PLEKHO2: variants seen among roughly 807,000 people sequenced by gnomAD.
The protein encoded by PLEKHO2 is pleckstrin homology domain containing O2, also known as pleckstrin homology domain-containing family O member 2.
Under a neutral mutation model 32.7 loss-of-function variants are expected in PLEKHO2, and 20 were observed. The observed-to-expected ratio is 0.61, with a 90% confidence interval of 0.43 to 0.89. The LOEUF (loss-of-function observed/expected upper bound fraction) is 0.89. PLEKHO2 is among the 40% of genes least tolerant of loss of function. PLEKHO2 has a pLI of 0.00. For missense variants in PLEKHO2, 568 were observed against 621.2 expected, an observed-to-expected ratio of 0.91 and a Z score of 0.91; for synonymous variants, 247 against 246.3, an observed-to-expected ratio of 1.00 and a Z score of -0.03.
rs746171412 is a variant in PLEKHO2 at position 64,848,571 on chromosome 15, A to G, written c.13-22A>G. 7.4e-6 allele frequency: 12 copies of G among 1,613,814 alleles called. No homozygotes were observed. The African/African-American group carries it at 1.5e-4, about 20-fold the overall frequency. The stretch of plus-strand genomic sequence containing the variant: ...ACCCCATGGTAGCAACCCTCATGGT[A>G]TGAACTGGTGCTGTGTTACAGGGTG... On this transcript the variant is annotated intron_variant, in intron 1 of 5. Coordinates refer to ENST00000323544, the MANE Select transcript of PLEKHO2 (RefSeq NM_025201.5).
chr15:64,865,100 A>G lies in PLEKHO2; in HGVS notation c.685A>G (p.Arg229Gly). Residue 229 changes from arginine (R) to glycine (G), a missense_variant, in exon 6 of 6, where the codon AGA (arginine) becomes GGA (glycine). Coordinates refer to ENST00000323544, the MANE Select transcript of PLEKHO2 (RefSeq NM_025201.5). ...CAGGGTGGAGACCCCTGTGGGGGAG[A>G]GAGCCCCAACCCCTGTCTCAGCAAG... ...GDRVETPVGE[R>G]APTPVSASSE... 6.2e-7 allele frequency: 1 copy of G among 1,614,056 alleles called. No homozygotes were observed. Among genetic ancestry groups the G allele is most frequent in the Non-Finnish European group, 8.5e-7 (1 of 1,179,996 alleles).
intron 5 of PLEKHO2, among the ~76,000 whole-genome samples, chr15:64,864,338 G>T (rs2084666849): frequency 6.6e-6 from 1 of 152,120 alleles, no homozygotes; most frequent in Non-Finnish European, 1.5e-5. Flanking sequence ...AGCTGGACAG[G>T]CAAAAGCTGG....
chr15:64,842,881 A>G (rs972443361), intron 1 of PLEKHO2, among the ~76,000 whole-genome samples: 2 of 152,206 alleles, frequency 1.3e-5, no homozygotes, highest in African/African-American at 4.8e-5. Flanking sequence ...AGCACTTAAT[A>G]TATGCCTGTG....
intron 5 of PLEKHO2, among the ~76,000 whole-genome samples, chr15:64,862,399 T>C (rs2140345409): frequency 6.6e-6 from 1 of 151,840 alleles, no homozygotes; most frequent in African/African-American, 2.4e-5. Context: ...AGTCAGGGGA[T>C]TGGACCAAGG....
chr15:64,847,678 A>G (rs888287159), intron 1 of PLEKHO2, among the ~76,000 whole-genome samples: 2 of 152,176 alleles, frequency 1.3e-5, no homozygotes, highest in Non-Finnish European at 2.9e-5. Context: ...GCTGGCCCCA[A>G]GGCTCCAGGG....
At chr15:64,856,207 A>G (rs747818945) in intron 3 of PLEKHO2, among the ~76,000 whole-genome samples, 5 of 152,152 alleles carry the variant, frequency 3.3e-5, no homozygotes, top group Non-Finnish European at 5.9e-5. Context: ...TGGAGCCCCT[A>G]CCCTGTCCTG....
Position 64,865,709 on chromosome 15 carries a change from G to A in PLEKHO2, c.1294G>A (p.Gly432Ser), listed in dbSNP as rs770649221. The part of the protein sequence containing the change: ...QTEKLLNKVL[G>S]SEPAPVSAET... ...GGAGAAACTGTTGAACAAGGTGCTG[G>A]GCAGTGAGCCGGCCCCTGTTAGTGC... The change falls in exon 6 of 6, where the codon GGC (glycine) becomes AGC (serine). Residue 432 changes from glycine (G) to serine (S), a missense_variant. Coordinates refer to ENST00000323544, the MANE Select transcript of PLEKHO2 (RefSeq NM_025201.5). The A allele has an allele frequency of 1.1e-5, 18 of 1,614,230 alleles. No homozygotes were observed. The South Asian group carries it at 1.8e-4, about 16-fold the overall frequency.
At chr15:64,846,953 G>A (rs1035305364) in intron 1 of PLEKHO2, among the ~76,000 whole-genome samples, 1 of 152,246 alleles carries the variant, frequency 6.6e-6, no homozygotes, top group Non-Finnish European at 1.5e-5. Flanking sequence ...TCTAGGAACT[G>A]AGGGTACAGG....
chr15:64,843,707 A>ATT (rs2084502639), intron 1 of PLEKHO2, among the ~76,000 whole-genome samples: 2 of 151,402 alleles, frequency 1.3e-5, no homozygotes, highest in African/African-American at 4.9e-5. Flanking sequence ...CAGCCTCCTG[A>ATT]ATAGCTGGGA....
In PLEKHO2 at chr15:64,865,081, G is replaced by A. The variant is rs757594278; in HGVS notation, c.666G>A (p.Val222=). The A allele has an allele frequency of 6.2e-7, 1 of 1,614,122 alleles. No individual in the cohort carries two copies. The highest frequency in any genetic ancestry group is 8.5e-7 in the Non-Finnish European group (1 of 1,179,998). The stretch of plus-strand genomic sequence containing the variant: ...AGACCACCAGCCCTGGTGACAGGGT[G>A]GAGACCCCTGTGGGGGAGAGAGCCC... ...APETTSPGDR[V]ETPVGERAPT... Residue 222 remains valine, a synonymous_variant, in exon 6 of 6, where the codon GTG becomes GTA. Coordinates refer to ENST00000323544, the MANE Select transcript of PLEKHO2 (RefSeq NM_025201.5).
At chr15:64,864,773 G>C (rs988411540) in intron 5 of PLEKHO2, 126 bp from the exon 6 acceptor site, 13 of 977,656 alleles carry the variant, frequency 1.3e-5, no homozygotes, top group Non-Finnish European at 2.0e-5. Flanking sequence ...CCAGGACAGA[G>C]GGAGGCTGGG....
intron 3 of PLEKHO2, among the ~76,000 whole-genome samples, chr15:64,856,144 T>C (rs1433794671): frequency 6.6e-6 from 1 of 152,194 alleles, no homozygotes; most frequent in Non-Finnish European, 1.5e-5. Flanking sequence ...TGACATCTGC[T>C]GCTTAGGGCT....
intron 2 of PLEKHO2, among the ~76,000 whole-genome samples, chr15:64,853,397 C>T (rs1326106817): frequency 6.6e-6 from 1 of 151,514 alleles, no homozygotes; most frequent in Non-Finnish European, 1.5e-5. Context: ...CTGCCTCAGC[C>T]TCCCAAGTAG....
chr15:64,865,135 C>T lies in PLEKHO2; in HGVS notation c.720C>T (p.Val240=), dbSNP rs377214505. The T allele has an allele frequency of 1.1e-5, 18 of 1,614,124 alleles. No individual in the cohort carries two copies. In the East Asian group the frequency reaches 1.6e-4, roughly 14 times the overall value. The change falls in exon 6 of 6, where the codon GTC becomes GTT. Residue 240 remains valine (V), a synonymous_variant. Transcript: ENST00000323544. ...APTPVSASSE[V]SPESQEDSET... Reference sequence around the variant, plus strand: ...CCCCTGTCTCAGCAAGCTCTGAGGTCTCCCCTGAGAGCCAAGAGGACTCAG... The same window carrying T: ...CCCCTGTCTCAGCAAGCTCTGAGGTTTCCCCTGAGAGCCAAGAGGACTCAG...
At chr15:64,860,929 C>T (rs556646999) in intron 4 of PLEKHO2, among the ~76,000 whole-genome samples, 1 of 152,224 alleles carries the variant, frequency 6.6e-6, no homozygotes, top group African/African-American at 2.4e-5. Flanking sequence ...CCAGGCTGCT[C>T]CAGGGTTCTG....
At chr15:64,842,386 C>CTG (rs1196066845) in intron 1 of PLEKHO2, among the ~76,000 whole-genome samples, 5 of 83,486 alleles carry the variant, frequency 6.0e-5, no homozygotes, top group Admixed American at 4.1e-4. Context: ...CTCTCTCTCT[C>CTG]TCTCTGTGTG....
At chr15:64,849,165 A>G (rs775468097) in intron 2 of PLEKHO2, among the ~76,000 whole-genome samples, 2 of 150,072 alleles carry the variant, frequency 1.3e-5, no homozygotes, top group East Asian at 3.9e-4. Flanking sequence ...TTTTTGAGAA[A>G]GAGTCTCGCT....
chr15:64,854,873 G>A (rs373329549), intron 2 of PLEKHO2, 48 bp from the exon 3 acceptor site: 4 of 1,436,480 alleles, frequency 2.8e-6, no homozygotes, highest in Non-Finnish European at 3.9e-6. Context: ...GAGGGTGGTG[G>A]TGGGTCTGAC....
At position 64,864,972 on chromosome 15, in the gene PLEKHO2, C is replaced by T; in HGVS notation, c.557C>T (p.Ala186Val). 1 of 1,614,102 alleles carries T rather than the reference C, an allele frequency of 6.2e-7. No individual in the cohort carries two copies. Among genetic ancestry groups the T allele is most frequent in the African/African-American group, 1.3e-5 (1 of 75,020 alleles). ...DVPDSGPPVF[A>V]PSNHVSEAQP... ...CCGGACAGTGGGCCACCAGTGTTTG[C>T]CCCCAGCAATCATGTCAGTGAAGCC... The change falls in exon 6 of 6, where the codon GCC becomes GTC. Residue 186 changes from alanine to valine, a missense_variant. Physicochemically the swap from Ala to Val is moderately conservative, Grantham distance 64. Coordinates refer to ENST00000323544, the MANE Select transcript of PLEKHO2 (RefSeq NM_025201.5).
Sources: gnomAD v4.1 joint callset for allele counts (sites outside exome capture counted in the v4.1 genomes callset) on GRCh38, gnomAD v4.1.1 for gene constraint, MANE v1.5 for transcripts, NCBI Gene and HGNC (gene_info 2026-07-23, HGNC 2026-07-21) for gene names.